The following ZNF438 variants were observed in gnomAD, a reference collection of about 807,000 sequenced individuals.
ZNF438 encodes the protein zinc finger protein 438.
ZNF438 carries 25 observed loss-of-function variants against 38.0 expected under a neutral mutation model. The ratio of observed to expected loss-of-function variants is 0.66; its 90% CI spans 0.48 to 0.92. ZNF438 has a LOEUF of 0.92. Among genes scored for constraint, ZNF438 ranks in the 40% least tolerant of loss-of-function variants. The pLI is 0.00. For missense variants in ZNF438, 1,007 were observed against 999.6 expected (o/e 1.01, Z -0.10); for synonymous variants, 372 against 364.1 (o/e 1.02, Z -0.25).
chr10:30,877,106 G>A (rs1017472972), intron 3 of ZNF438, 41 bp from the exon 5 acceptor site: 17 of 1,281,198 alleles, frequency 1.3e-5, no homozygotes, highest in African/African-American at 7.5e-5. Context: ...GAAAGTAATT[G>A]AGAGAGCATG....
intron 1 of ZNF438, among the ~76,000 whole-genome samples, chr10:30,942,131 G>A (rs1299149389): frequency 3.3e-5 from 5 of 152,168 alleles, no homozygotes; most frequent in East Asian, 1.9e-4. Context: ...TTTGGAGCAC[G>A]ATAATTACTA....
At position 30,856,600 on chromosome 10, in the gene ZNF438, G is replaced by T. The variant is rs1007622667; in HGVS notation, c.38-6233C>A. Among the ~76,000 whole-genome samples the T allele has an allele frequency of 5.3e-5, 8 of 152,114 alleles. 1 individual carries two copies. In the South Asian group the frequency reaches 1.0e-3, roughly 20 times the overall value. Reference sequence around the variant, plus strand: ...TCTCACCTGCACCCACTAAATTACAGATCTTACAGAACTGTGCACTAAATA... The same window carrying T: ...TCTCACCTGCACCCACTAAATTACATATCTTACAGAACTGTGCACTAAATA... On this transcript the variant is annotated intron_variant, in intron 4 of 5. Transcript: ENST00000413025.
intron 4 of ZNF438, among the ~76,000 whole-genome samples, chr10:30,861,323 T>C (rs1212886831): frequency 6.6e-6 from 1 of 152,222 alleles, no homozygotes; most frequent in African/African-American, 2.4e-5. Context: ...GAAAAAAATG[T>C]CTATACATAT....
intron 1 of ZNF438, among the ~76,000 whole-genome samples, chr10:31,025,410 A>G (rs887357668): frequency 1.3e-5 from 2 of 152,204 alleles, no homozygotes; most frequent in African/African-American, 2.4e-5. Context: ...ACATTGCCAA[A>G]TGTCCCCAGA....
chr10:30,918,456 C>T (rs7913917), intron 2 of ZNF438, among the ~76,000 whole-genome samples: 97,370 of 151,922 alleles, frequency 0.64, 32,366 homozygotes, highest in African/African-American at 0.82. Flanking sequence ...GTTGTTCTTA[C>T]AGATTTTGCA....
At chr10:30,871,563 G>A (rs891078095) in intron 4 of ZNF438, among the ~76,000 whole-genome samples, 1 of 152,110 alleles carries the variant, frequency 6.6e-6, no homozygotes, top group Non-Finnish European at 1.5e-5. Context: ...AATGATATGA[G>A]TATTAACTAG....
intron 2 of ZNF438, among the ~76,000 whole-genome samples, chr10:30,929,304 C>A (rs2045339464): frequency 6.6e-6 from 1 of 152,140 alleles, no homozygotes; most frequent in Non-Finnish European, 1.5e-5. Flanking sequence ...TTTGTTCCTT[C>A]TGATGTTCAG....
intron 4 of ZNF438, among the ~76,000 whole-genome samples, chr10:30,870,531 G>A (rs2037238094): frequency 6.6e-6 from 1 of 152,084 alleles, no homozygotes; most frequent in Non-Finnish European, 1.5e-5. Context: ...TAACACAAGA[G>A]AACTGGGATG....
chr10:30,877,101 T>A, intron 3 of ZNF438, 36 bp from the exon 5 acceptor site: 1 of 1,330,678 alleles, frequency 7.5e-7, no homozygotes, highest in Non-Finnish European at 1.0e-6. Flanking sequence ...TATTAGAAAG[T>A]AATTGAGAGA....
At chr10:30,996,735 A>G (rs2054084774) in intron 1 of ZNF438, among the ~76,000 whole-genome samples, 1 of 152,094 alleles carries the variant, frequency 6.6e-6, no homozygotes, top group Non-Finnish European at 1.5e-5. Context: ...CACTCCACTC[A>G]ACAAGGCAAT....
At chr10:30,978,092 G>A (rs1015476012) in intron 1 of ZNF438, among the ~76,000 whole-genome samples, 3 of 152,078 alleles carry the variant, frequency 2.0e-5, no homozygotes, top group Non-Finnish European at 2.9e-5. Context: ...TTAAGAACAC[G>A]AAAGCAGAAC....
chr10:31,015,116 C>T (rs1387190384), intron 1 of ZNF438, among the ~76,000 whole-genome samples: 5 of 152,184 alleles, frequency 3.3e-5, no homozygotes, highest in East Asian at 1.9e-4. Flanking sequence ...TCCGAAAGCA[C>T]GTCGGCTTCC....
chr10:31,030,712 T>C (rs2057232630), intron 1 of ZNF438, among the ~76,000 whole-genome samples: 1 of 152,240 alleles, frequency 6.6e-6, no homozygotes, highest in African/African-American at 2.4e-5. Context: ...ATGTGAACTC[T>C]CGAGCTCCTG....
intron 1 of ZNF438, among the ~76,000 whole-genome samples, chr10:30,953,795 A>G (rs201924575): frequency 7.9e-5 from 12 of 152,300 alleles, no homozygotes; most frequent in African/African-American, 2.6e-4. Context: ...GGATAGATGA[A>G]TAACTCTTCT....
rs567902235 is a variant in ZNF438, at chr10:30,901,253, T to G, written c.-32+7680A>C. Among the ~76,000 whole-genome samples the G allele has an allele frequency of 2.4e-4, 37 of 152,356 alleles. No homozygotes were observed. In the South Asian group the frequency reaches 5.8e-3, roughly 24 times the overall value. On this transcript the variant is annotated intron_variant, in intron 3 of 5. Coordinates refer to ENST00000413025, the Ensembl canonical transcript of ZNF438. Reference sequence around the variant, plus strand: ...CAAGTGGAACTCTTCAGGGATCATATGAAAACGATTTTAGGGTATAAATTA... The same window carrying G: ...CAAGTGGAACTCTTCAGGGATCATAGGAAAACGATTTTAGGGTATAAATTA...
chr10:30,867,296 G>A (rs750417572), intron 4 of ZNF438, among the ~76,000 whole-genome samples: 12 of 149,586 alleles, frequency 8.0e-5, no homozygotes, highest in Non-Finnish European at 1.3e-4. Context: ...TGCAGAAAAT[G>A]TAAATCAATG....
At position 31,016,001 on chromosome 10, in the gene ZNF438, T is replaced by C. The variant is rs542663981; in HGVS notation, c.-192+15832A>G. Reference sequence around the variant, plus strand: ...AGGCCACATCTCCAATACTGTCATGTGGAAGGTTAGGGCCTCAACATATGA... The same window carrying C: ...AGGCCACATCTCCAATACTGTCATGCGGAAGGTTAGGGCCTCAACATATGA... On this transcript the variant is annotated intron_variant, in intron 1 of 5. Transcript: ENST00000413025. 2.8e-4 allele frequency among the ~76,000 whole-genome samples: 43 copies of C among 152,334 alleles called. 1 individual carries two copies. The highest frequency in any genetic ancestry group is 9.9e-4 in the African/African-American group (41 of 41,578).
At chr10:31,019,710 C>G (rs2056455651) in intron 1 of ZNF438, among the ~76,000 whole-genome samples, 1 of 152,220 alleles carries the variant, frequency 6.6e-6, no homozygotes, top group East Asian at 1.9e-4. Context: ...CCCACTGAAT[C>G]TTAATTTCAG....
intron 1 of ZNF438, among the ~76,000 whole-genome samples, chr10:30,987,429 CTTT>C (rs2136619042): frequency 6.6e-6 from 1 of 151,084 alleles, no homozygotes; most frequent in East Asian, 1.9e-4. Flanking sequence ...TCTTAGAATT[CTTT>C]GAGGCTTAGA....
Sources: allele counts gnomAD v4.1 joint callset (sites outside exome capture counted in the v4.1 genomes callset), GRCh38; gene constraint gnomAD v4.1.1; transcripts MANE v1.5; gene names NCBI Gene and HGNC (gene_info 2026-07-23, HGNC 2026-07-21).